The following ZNF804B variants were observed in gnomAD, a reference collection of about 807,000 sequenced individuals.
ZNF804B encodes zinc finger protein 804B.
A neutral mutation model predicts 101.4 loss-of-function variants in ZNF804B; 80 were observed. That is an observed-to-expected ratio of 0.79 (90% CI 0.66 to 0.95). The LOEUF is 0.95. Ranked by LOEUF, ZNF804B falls within the 40% of genes least tolerant of loss-of-function variation. ZNF804B has a pLI of 0.00. For synonymous variants in ZNF804B, 622 were observed against 558.8 expected, an observed-to-expected ratio of 1.11 and a Z score of -1.59; for missense variants, 1,673 against 1,561.9, an observed-to-expected ratio of 1.07 and a Z score of -1.20.
intron 1 of ZNF804B, among the ~76,000 whole-genome samples, chr7:88,821,216 T>C (rs1003916345): frequency 1.3e-5 from 2 of 152,202 alleles, no homozygotes; most frequent in Non-Finnish European, 2.9e-5. Flanking sequence ...CTGGTCACAA[T>C]AGCTCCTGAA....
At chr7:89,141,123 A>G (rs1004389886) in intron 1 of ZNF804B, among the ~76,000 whole-genome samples, 1 of 152,070 alleles carries the variant, frequency 6.6e-6, no homozygotes, top group East Asian at 1.9e-4. Flanking sequence ...CACAGCACTT[A>G]TGGATTAAGT....
chr7:89,207,464 C>T (rs1012968534), intron 1 of ZNF804B, among the ~76,000 whole-genome samples: 2 of 152,110 alleles, frequency 1.3e-5, no homozygotes, highest in Non-Finnish European at 1.5e-5. Context: ...CAGGAAAAAA[C>T]CCACCCCCAG....
At chr7:88,997,088 A>C (rs146308455) in intron 1 of ZNF804B, among the ~76,000 whole-genome samples, 1 of 152,246 alleles carries the variant, frequency 6.6e-6, no homozygotes, top group South Asian at 2.1e-4. Context: ...TAACTGATAC[A>C]CACTTGGAAT....
intron 1 of ZNF804B, among the ~76,000 whole-genome samples, chr7:88,926,986 TC>T (rs1792814522): frequency 1.3e-5 from 2 of 149,970 alleles, no homozygotes; most frequent in African/African-American, 4.9e-5. Flanking sequence ...AGTGCAGGGC[TC>T]CTCAAAAGAA....
chr7:88,948,692 A>G (rs1793174415), intron 1 of ZNF804B, among the ~76,000 whole-genome samples: 1 of 151,862 alleles, frequency 6.6e-6, no homozygotes, highest in Non-Finnish European at 1.5e-5. Flanking sequence ...TGTGTAATGG[A>G]TGGAAGAAGA....
chr7:89,114,275 T>C (rs1162127017), intron 1 of ZNF804B, among the ~76,000 whole-genome samples: 1 of 152,200 alleles, frequency 6.6e-6, no homozygotes, highest in Non-Finnish European at 1.5e-5. Flanking sequence ...ACTTCCAATA[T>C]GTTTTACTTC....
rs796987599 is a variant in ZNF804B, at chr7:88,854,533, T to TTCCTTTCCTTTCCTTTCCTTTCCTTC, written c.108+94449_108+94450insTCCTTTCCTTTCCTTTCCTTTCCTTC. 7.7e-5 allele frequency among the ~76,000 whole-genome samples: 6 copies of TTCCTTTCCTTTCCTTTCCTTTCCTTC among 78,178 alleles called. 1 individual carries two copies. The highest frequency in any genetic ancestry group is 6.0e-4 in the East Asian group (1 of 1,664). The allele number at this position is 78,178 out of a possible 152,430, so 51.3% of individuals were successfully genotyped here. On this transcript the variant is annotated intron_variant, in intron 1 of 3. Coordinates refer to ENST00000333190, the MANE Select transcript of ZNF804B (RefSeq NM_181646.5). ...TTTCCTTTCCTTTCCTTCCTTTCCT[T>TTCCTTTCCTTTCCTTTCCTTTCCTTC]CCTTCCTTCCTTCCTTCCTTCCTTC...
chr7:88,759,925 C>CGGCTGG lies in ZNF804B; in HGVS notation c.-51_-46dup, dbSNP rs1789865494. On this transcript the variant is annotated 5_prime_UTR_variant, in exon 1 of 4. Coordinates refer to ENST00000333190, the MANE Select transcript of ZNF804B (RefSeq NM_181646.5). Reference sequence around the variant, plus strand: ...CGCTGAGAAACCCGCCCGCTTTCCACGGCTGGTCGCCTGGTGAGGAGTTGA... The same window carrying CGGCTGG: ...CGCTGAGAAACCCGCCCGCTTTCCACGGCTGGGGCTGGTCGCCTGGTGAGGAGTTGA... 7.2e-6 allele frequency: 11 copies of CGGCTGG among 1,526,922 alleles called. No homozygotes were observed. Among genetic ancestry groups the CGGCTGG allele is most frequent in the Non-Finnish European group, 1.0e-5 (11 of 1,103,154 alleles). The allele number at this position is 1,526,922 out of a possible 1,614,324, so 94.6% of individuals were successfully genotyped here. A position where few individuals can be genotyped will look rare whatever the true frequency, so the allele number is the denominator to read the frequency against.
chr7:89,189,751 G>C (rs1463620435), intron 1 of ZNF804B, among the ~76,000 whole-genome samples: 3 of 152,082 alleles, frequency 2.0e-5, no homozygotes, highest in African/African-American at 7.2e-5. Flanking sequence ...CTCTGGGACT[G>C]ATAATTCCAA....
intron 1 of ZNF804B, among the ~76,000 whole-genome samples, chr7:88,985,568 A>C (rs956764420): frequency 1.3e-5 from 2 of 152,058 alleles, no homozygotes; most frequent in African/African-American, 4.8e-5. Flanking sequence ...GTGCTTTCGT[A>C]GTCAGCTCAC....
chr7:89,158,395 C>T (rs1313335964), intron 1 of ZNF804B, among the ~76,000 whole-genome samples: 2 of 152,266 alleles, frequency 1.3e-5, no homozygotes, highest in Middle Eastern at 3.4e-3. Context: ...ACACCCATTC[C>T]CTGACCATAT....
chr7:88,838,760 G>T (rs1209213944), intron 1 of ZNF804B, among the ~76,000 whole-genome samples: 1 of 151,816 alleles, frequency 6.6e-6, no homozygotes, highest in Non-Finnish European at 1.5e-5. Flanking sequence ...GAGAGAAATA[G>T]AATCTATCTT....
intron 1 of ZNF804B, among the ~76,000 whole-genome samples, chr7:88,940,216 C>T (rs1020319785): frequency 6.6e-6 from 1 of 151,832 alleles, no homozygotes; most frequent in Non-Finnish European, 1.5e-5. Context: ...GAGAAACATA[C>T]TTCCAAGTAA....
At chr7:88,883,775 A>G (rs182726493) in intron 1 of ZNF804B, among the ~76,000 whole-genome samples, 7 of 152,028 alleles carry the variant, frequency 4.6e-5, no homozygotes, top group African/African-American at 9.6e-5. Flanking sequence ...TTCTGGTTCT[A>G]TAAGTTGAGA....
At chr7:88,894,714 G>A (rs956992025) in intron 1 of ZNF804B, among the ~76,000 whole-genome samples, 19 of 151,958 alleles carry the variant, frequency 1.3e-4, no homozygotes, top group Admixed American at 5.2e-4. Context: ...AAGACATGAA[G>A]GAAACTTAAA....
chr7:89,218,436 G>T (rs1391985488), intron 2 of ZNF804B, 141 bp downstream of exon 2: 1 of 1,010,786 alleles, frequency 9.9e-7, no homozygotes, highest in Non-Finnish European at 1.4e-6. Context: ...TGGAAAGGTT[G>T]TGTTTTGTGT....
intron 2 of ZNF804B, among the ~76,000 whole-genome samples, chr7:89,306,011 G>A (rs916185501): frequency 1.3e-5 from 2 of 151,850 alleles, no homozygotes; most frequent in African/African-American, 4.8e-5. Flanking sequence ...TTTTGAATTA[G>A]TGTAGTTAAT....
intron 2 of ZNF804B, among the ~76,000 whole-genome samples, chr7:89,264,983 AT>A (rs1159756647): frequency 6.6e-6 from 1 of 151,868 alleles, no homozygotes; most frequent in Admixed American, 6.6e-5. Context: ...CTCTTATATC[AT>A]ATCTTTGTAT....
chr7:88,895,143 T>C (rs953086353), intron 1 of ZNF804B, among the ~76,000 whole-genome samples: 1 of 152,126 alleles, frequency 6.6e-6, no homozygotes, highest in African/African-American at 2.4e-5. Context: ...TGAAGGGAGA[T>C]TGTCAAGAGT....
Sources: gnomAD v4.1 joint callset for allele counts (sites outside exome capture counted in the v4.1 genomes callset) on GRCh38, gnomAD v4.1.1 for gene constraint, MANE v1.5 for transcripts, NCBI Gene and HGNC (gene_info 2026-07-23, HGNC 2026-07-21) for gene names.